GULP1: variants seen among roughly 807,000 people sequenced by gnomAD.
GULP1 encodes PTB domain-containing engulfment adapter protein 1.
A neutral mutation model predicts 40.9 loss-of-function variants in GULP1; 19 were observed. That is an observed-to-expected ratio of 0.46 (90% CI 0.32 to 0.68). The LOEUF is 0.68. Ranked by LOEUF, GULP1 falls within the 30% of genes least tolerant of loss-of-function variation. The probability of loss-of-function intolerance (pLI) is 0.03; values close to 1 mark genes in which losing one functional copy is unlikely to be tolerated. For missense variants in GULP1, 312 were observed against 362.2 expected (o/e 0.86, Z 1.12); for synonymous variants, 119 against 117.6 (o/e 1.01, Z -0.08).
chr2:188,552,968 G>T (rs903641218), intron 7 of GULP1, among the ~76,000 whole-genome samples: 2 of 151,288 alleles, frequency 1.3e-5, no homozygotes, highest in Non-Finnish European at 3.0e-5. Context: ...AAATGAGATT[G>T]CCTTCTTGCT....
intron 7 of GULP1, among the ~76,000 whole-genome samples, chr2:188,559,761 C>G (rs1695776333): frequency 6.6e-6 from 1 of 152,080 alleles, no homozygotes; most frequent in Non-Finnish European, 1.5e-5. Context: ...TGTCCCCACC[C>G]AAATCTCATC....
At chr2:188,532,363 C>T (rs1003759053) in intron 6 of GULP1, among the ~76,000 whole-genome samples, 5 of 152,056 alleles carry the variant, frequency 3.3e-5, no homozygotes, top group African/African-American at 1.2e-4. Context: ...ATGGCATGTC[C>T]TTAGAAATGC....
At chr2:188,293,347 T>C (rs2034207372) in intron 1 of GULP1, among the ~76,000 whole-genome samples, 1 of 152,222 alleles carries the variant, frequency 6.6e-6, no homozygotes, top group Non-Finnish European at 1.5e-5. Context: ...TAAATTTATT[T>C]TGTGCCTGCT....
chr2:188,322,363 G>A (rs1409679435), intron 1 of GULP1, among the ~76,000 whole-genome samples: 1 of 151,870 alleles, frequency 6.6e-6, no homozygotes, highest in Non-Finnish European at 1.5e-5. Flanking sequence ...TGTAAATGAA[G>A]AAACAATATA....
At chr2:188,532,344 A>G (rs11685321) in intron 6 of GULP1, among the ~76,000 whole-genome samples, 85,547 of 151,970 alleles carry the variant, frequency 0.56, 24,848 homozygotes, top group East Asian at 0.91. Flanking sequence ...TAGAATTCAC[A>G]GGTTAATAAT....
intron 2 of GULP1, among the ~76,000 whole-genome samples, chr2:188,474,234 C>T (rs1029913790): frequency 6.6e-6 from 1 of 152,100 alleles, no homozygotes. Flanking sequence ...GCTTAATTGC[C>T]TCAGCTTGTG....
intron 2 of GULP1, among the ~76,000 whole-genome samples, chr2:188,399,710 A>AAAC (rs1553540283): frequency 6.6e-6 from 1 of 150,416 alleles, no homozygotes; most frequent in Non-Finnish European, 1.5e-5. Context: ...AAAAAAAAAA[A>AAAC]AAAACATCAA....
intron 2 of GULP1, among the ~76,000 whole-genome samples, chr2:188,424,541 T>C (rs1307871315): frequency 6.6e-6 from 1 of 151,986 alleles, no homozygotes; most frequent in Non-Finnish European, 1.5e-5. Flanking sequence ...GAAAACTATT[T>C]ACATGCAAGT....
chr2:188,551,710 AATG>A (rs1319225133), intron 7 of GULP1, among the ~76,000 whole-genome samples: 3 of 151,772 alleles, frequency 2.0e-5, no homozygotes, highest in Non-Finnish European at 3.0e-5. Context: ...TGCTAGATCA[AATG>A]ATAAGTATAT....
At chr2:188,326,341 A>T (rs10931351) in intron 1 of GULP1, among the ~76,000 whole-genome samples, 14,080 of 152,230 alleles carry the variant, frequency 0.092, 1,090 homozygotes, top group African/African-American at 0.2. Context: ...ATCTTTAATT[A>T]TTAGCAAAAT....
At chr2:188,502,733 A>G (rs1309737929) in intron 4 of GULP1, among the ~76,000 whole-genome samples, 1 of 151,980 alleles carries the variant, frequency 6.6e-6, no homozygotes, top group Non-Finnish European at 1.5e-5. Flanking sequence ...TCAATTACTT[A>G]AGAAGTTTTC....
At chr2:188,393,513 T>G (rs1016787142) in intron 2 of GULP1, among the ~76,000 whole-genome samples, 15 of 152,080 alleles carry the variant, frequency 9.9e-5, no homozygotes, top group Non-Finnish European at 2.1e-4. Context: ...TGGTTTGTGA[T>G]TTTTTATTCA....
chr2:188,426,828 G>A (rs1008278058), intron 2 of GULP1, among the ~76,000 whole-genome samples: 1 of 152,208 alleles, frequency 6.6e-6, no homozygotes, highest in African/African-American at 2.4e-5. Context: ...GTCATGGGCA[G>A]AGGTTAGAAG....
chr2:188,312,028 A>T (rs1480618239), intron 1 of GULP1, among the ~76,000 whole-genome samples: 3 of 151,934 alleles, frequency 2.0e-5, no homozygotes, highest in Admixed American at 2.0e-4. Context: ...ATAGACTTCT[A>T]ACTACACTTG....
chr2:188,477,403 A>T (rs776929456), intron 2 of GULP1, among the ~76,000 whole-genome samples: 29 of 152,120 alleles, frequency 1.9e-4, no homozygotes, highest in Non-Finnish European at 3.5e-4. Flanking sequence ...ATAGTTAATG[A>T]TGGATATATA....
intron 1 of GULP1, among the ~76,000 whole-genome samples, chr2:188,332,434 T>G (rs2041730273): frequency 6.6e-6 from 1 of 152,102 alleles, no homozygotes; most frequent in African/African-American, 2.4e-5. Context: ...AAGTGACACC[T>G]GCCTTGGGCT....
chr2:188,593,864 G>A, intron 11 of GULP1, 76 bp from the exon 12 acceptor site: 1 of 817,192 alleles, frequency 1.2e-6, no homozygotes, highest in Non-Finnish European at 2.1e-6. Context: ...CAACTTTAGT[G>A]CATAGTCTTT....
intron 1 of GULP1, among the ~76,000 whole-genome samples, chr2:188,343,016 T>A (rs1213686547): frequency 2.0e-5 from 3 of 152,166 alleles, no homozygotes; most frequent in East Asian, 3.9e-4. Context: ...CAAAAGATTG[T>A]CATGGCAAAG....
rs547146205 is a variant in GULP1 at position 188,487,917 on chromosome 2, A to G, written c.90+4425A>G. Reference sequence around the variant, plus strand: ...CTCATCTTTACAACCTAAATTTGCCAACAAAAAAATTACCTATGAGCCTTT... The same window carrying G: ...CTCATCTTTACAACCTAAATTTGCCGACAAAAAAATTACCTATGAGCCTTT... On this transcript the variant is annotated intron_variant, in intron 4 of 11. Transcript: ENST00000409830. Among the ~76,000 whole-genome samples the G allele has an allele frequency of 7.9e-5, 12 of 152,072 alleles. No individual in the cohort carries two copies. In the South Asian group the frequency reaches 8.3e-4, roughly 10 times the overall value.
Sources: gnomAD v4.1 joint callset for allele counts (sites outside exome capture counted in the v4.1 genomes callset) on GRCh38, gnomAD v4.1.1 for gene constraint, MANE v1.5 for transcripts, NCBI Gene and HGNC (gene_info 2026-07-23, HGNC 2026-07-21) for gene names.